The following POU3F3 variants were observed in gnomAD, a reference collection of about 807,000 sequenced individuals.
POU3F3 encodes the protein POU class 3 homeobox 3.
Under a neutral mutation model 8.6 loss-of-function variants are expected in POU3F3, and 1 was observed. That is an observed-to-expected ratio of 0.12 (90% CI 0.04 to 0.55). The LOEUF is 0.55. Ranked by LOEUF, POU3F3 falls within the 20% of genes least tolerant of loss-of-function variation. The probability of loss-of-function intolerance (pLI) is 0.91; values close to 1 mark genes in which losing one functional copy is unlikely to be tolerated. For synonymous variants in POU3F3, 418 were observed against 327.4 expected (o/e 1.28, Z -2.99); for missense variants, 577 against 690.7 (o/e 0.84, Z 1.84).
the POU3F3 span, among the ~76,000 whole-genome samples, chr2:104,887,688 C>T: frequency 4.6e-5 from 7 of 152,162 alleles, no homozygotes; most frequent in African/African-American, 1.7e-4. Context: ...CTCAAGAGAG[C>T]GGTGAAGCAT....
At chr2:104,896,265 A>G in the POU3F3 span, among the ~76,000 whole-genome samples, 3 of 152,080 alleles carry the variant, frequency 2.0e-5, no homozygotes, top group Admixed American at 6.5e-5. Flanking sequence ...CCCTGCATGG[A>G]ACTTCTGCCC....
chr2:104,874,220 T>G, the POU3F3 span, among the ~76,000 whole-genome samples: 1 of 152,052 alleles, frequency 6.6e-6, no homozygotes, highest in Non-Finnish European at 1.5e-5. Flanking sequence ...GATTGGGAGC[T>G]GCTGTTTGGA....
At chr2:104,860,403 A>T (rs1419103163), downstream of POU3F3, among the ~76,000 whole-genome samples, 5 of 152,226 alleles carry the variant, frequency 3.3e-5, no homozygotes, top group Non-Finnish European at 7.3e-5. Context: ...TTATATTGTT[A>T]CACATGTAAA....
chr2:104,915,774 C>T, the POU3F3 span, among the ~76,000 whole-genome samples: 4 of 151,830 alleles, frequency 2.6e-5, no homozygotes, highest in East Asian at 1.9e-4. Context: ...GTCCAGGACA[C>T]GTTTCGAGAA....
At chr2:104,904,624 C>G in the POU3F3 span, among the ~76,000 whole-genome samples, 1 of 151,932 alleles carries the variant, frequency 6.6e-6, no homozygotes, top group Admixed American at 6.6e-5. Flanking sequence ...TGTTCCTTAT[C>G]TAAATTGTGG....
the POU3F3 span, among the ~76,000 whole-genome samples, chr2:104,864,480 TGAAACCA>T: frequency 6.6e-6 from 1 of 152,208 alleles, no homozygotes; most frequent in Non-Finnish European, 1.5e-5. Context: ...ACAGTGGAAC[TGAAACCA>T]TAAGTGGAAA....
chr2:104,910,925 A>G, the POU3F3 span, among the ~76,000 whole-genome samples: 4 of 152,230 alleles, frequency 2.6e-5, no homozygotes, highest in African/African-American at 9.6e-5. Context: ...GTATAACAAC[A>G]ACTTACATAG....
chr2:104,886,806 G>A, the POU3F3 span, among the ~76,000 whole-genome samples: 1 of 152,146 alleles, frequency 6.6e-6, no homozygotes, highest in Non-Finnish European at 1.5e-5. Flanking sequence ...TACTCTGGAG[G>A]CTGAGGCAGG....
the POU3F3 span, among the ~76,000 whole-genome samples, chr2:104,901,980 A>C: frequency 1.6e-4 from 25 of 152,310 alleles, no homozygotes; most frequent in Middle Eastern, 0.014. Flanking sequence ...CAGCAGCAAC[A>C]TTTCTAGACA....
chr2:104,860,602 G>A (rs530808890), downstream of POU3F3, among the ~76,000 whole-genome samples: 2 of 152,016 alleles, frequency 1.3e-5, no homozygotes, highest in South Asian at 2.1e-4. Flanking sequence ...CTAATCCCAA[G>A]CTAGGCCCAC....
At chr2:104,892,046 C>T in the POU3F3 span, among the ~76,000 whole-genome samples, 5 of 152,308 alleles carry the variant, frequency 3.3e-5, no homozygotes, top group Admixed American at 6.5e-5. Flanking sequence ...CACACCTGGG[C>T]TCCGATCAAA....
chr2:104,897,526 C>T, the POU3F3 span, among the ~76,000 whole-genome samples: 1 of 152,150 alleles, frequency 6.6e-6, no homozygotes, highest in Non-Finnish European at 1.5e-5. Flanking sequence ...TCCCCAGGAG[C>T]ACTGCCAGCC....
chr2:104,904,208 T>C, the POU3F3 span, among the ~76,000 whole-genome samples: 1 of 152,190 alleles, frequency 6.6e-6, no homozygotes, highest in African/African-American at 2.4e-5. Flanking sequence ...CTCTCTACTC[T>C]GCAGCTGTGG....
the POU3F3 span, among the ~76,000 whole-genome samples, chr2:104,895,975 G>A: frequency 1.3e-5 from 2 of 152,144 alleles, no homozygotes; most frequent in Non-Finnish European, 2.9e-5. Flanking sequence ...CCCTGCAGGT[G>A]GGCAGCTGGG....
At chr2:104,902,475 A>G in the POU3F3 span, among the ~76,000 whole-genome samples, 2 of 152,158 alleles carry the variant, frequency 1.3e-5, no homozygotes, top group African/African-American at 4.8e-5. Context: ...TTAACATTGA[A>G]TGAAACAATA....
At position 104,857,983 on chromosome 2, in the gene POU3F3, A is replaced by C. The variant is rs1676609437; in HGVS notation, c.*970A>C. On this transcript the variant is annotated 3_prime_UTR_variant, in exon 1 of 1. Transcript: ENST00000361360. Reference sequence around the variant, plus strand: ...GGGGGCCCAGCCAGCGAGGCCGCCGAGCCAGGCCCGGCCGCGTACCCAGGC... The same window carrying C: ...GGGGGCCCAGCCAGCGAGGCCGCCGCGCCAGGCCCGGCCGCGTACCCAGGC... 1 of 152,194 alleles carries C rather than the reference A, an allele frequency of 6.6e-6. No individual in the cohort carries two copies. 9.4% of individuals were successfully genotyped at this position (152,194 alleles called of 1,614,324 possible).
At chr2:104,872,062 A>G in the POU3F3 span, among the ~76,000 whole-genome samples, 1 of 151,510 alleles carries the variant, frequency 6.6e-6, no homozygotes, top group Non-Finnish European at 1.5e-5. The surrounding 1 kb of genome is among the most constrained non-coding windows in gnomAD (Gnocchi z 4.6). Context: ...ACCCCCGAAC[A>G]CACACACACA....
the POU3F3 span, among the ~76,000 whole-genome samples, chr2:104,904,235 C>T: frequency 6.6e-6 from 1 of 152,164 alleles, no homozygotes; most frequent in Non-Finnish European, 1.5e-5. Flanking sequence ...GTTGGAGGGT[C>T]AACTACTTAG....
At chr2:104,903,903 T>G in the POU3F3 span, among the ~76,000 whole-genome samples, 2 of 152,210 alleles carry the variant, frequency 1.3e-5, no homozygotes, top group Non-Finnish European at 2.9e-5. Context: ...CTCAAGTTGG[T>G]CTGCTGAATG....
Sources: gnomAD v4.1 joint callset for allele counts (sites outside exome capture counted in the v4.1 genomes callset) on GRCh38, gnomAD v4.1.1 for gene constraint, Gnocchi (gnomAD v3.1) non-coding constraint, MANE v1.5 for transcripts, NCBI Gene and HGNC (gene_info 2026-07-23, HGNC 2026-07-21) for gene names.